The following ATG7 variants were observed in gnomAD, a reference collection of about 807,000 sequenced individuals.
The protein encoded by ATG7 is autophagy related 7.
Under a neutral mutation model 82.4 loss-of-function variants are expected in ATG7, and 70 were observed. The ratio of observed to expected loss-of-function variants is 0.85; its 90% CI spans 0.70 to 1.04. The LOEUF (loss-of-function observed/expected upper bound fraction) is 1.04. ATG7 is among the 50% of genes least tolerant of loss of function. ATG7 has a pLI of 0.00. For missense variants in ATG7, 792 were observed against 864.3 expected (o/e 0.92, Z 1.05); for synonymous variants, 287 against 313.0 (o/e 0.92, Z 0.88).
At chr3:11,559,240 A>G (rs2072739728), downstream of ATG7, 14 of 1,448,812 alleles carry the variant, frequency 9.7e-6, no homozygotes, top group Non-Finnish European at 1.2e-5. Flanking sequence ...AGATGGGCTC[A>G]GGGGCGAGAG....
At chr3:11,428,063 G>T (rs2082528996) in intron 20 of ATG7, among the ~76,000 whole-genome samples, 1 of 152,164 alleles carries the variant, frequency 6.6e-6, no homozygotes, top group Admixed American at 6.5e-5. Context: ...TGTCCTGCAG[G>T]GGTAGTGCAC....
chr3:11,436,586 G>A lies in ATG7; in HGVS notation c.2079+9660G>A, dbSNP rs557282787. On this transcript the variant is annotated intron_variant, in intron 20 of 20. Coordinates refer to ENST00000693202, the MANE Select transcript of ATG7 (RefSeq NM_001349232.2). ...AAATATAGCCCAGAGAAATGAAAATGTGCACACAAAAAATGTACACAGTGT... is the reference window on the plus strand; with the variant it reads ...AAATATAGCCCAGAGAAATGAAAATATGCACACAAAAAATGTACACAGTGT... 3.3e-5 allele frequency among the ~76,000 whole-genome samples: 5 copies of A among 152,254 alleles called. 1 individual carries two copies. Among genetic ancestry groups the A allele is most frequent in the African/African-American group, 1.2e-4 (5 of 41,528 alleles).
intron 20 of ATG7, among the ~76,000 whole-genome samples, chr3:11,498,677 G>A (rs1469939315): frequency 2.0e-5 from 3 of 152,228 alleles, no homozygotes; most frequent in Non-Finnish European, 4.4e-5. Context: ...GACTCCAGAA[G>A]AGGCTGTGTT....
intron 3 of ATG7, among the ~76,000 whole-genome samples, chr3:11,283,029 G>C (rs979020209): frequency 6.6e-6 from 1 of 152,214 alleles, no homozygotes; most frequent in South Asian, 2.1e-4. Context: ...TTTTGGCCCA[G>C]AGAAGGCACT....
chr3:11,562,255 A>G (rs1176610403), downstream of ATG7, among the ~76,000 whole-genome samples: 3 of 151,760 alleles, frequency 2.0e-5, no homozygotes, highest in Non-Finnish European at 4.4e-5. Context: ...GCCCAAGGCC[A>G]CCCTCTTGGT....
At chr3:11,347,342 G>T (rs996799744) in intron 13 of ATG7, among the ~76,000 whole-genome samples, 18 of 152,206 alleles carry the variant, frequency 1.2e-4, no homozygotes, top group Non-Finnish European at 2.2e-4. Flanking sequence ...ATATAGACTT[G>T]TTCCCTAAAT....
the ATG7 span, among the ~76,000 whole-genome samples, chr3:11,575,938 G>C: frequency 6.6e-6 from 1 of 152,238 alleles, no homozygotes; most frequent in East Asian, 1.9e-4. Context: ...CAGCAGCGCG[G>C]AGCCCGTCCA....
chr3:11,546,364 G>A (rs1007904859), intron 20 of ATG7, among the ~76,000 whole-genome samples: 1 of 151,958 alleles, frequency 6.6e-6, no homozygotes, highest in Non-Finnish European at 1.5e-5. Flanking sequence ...TAGAGAGGGG[G>A]TTTTGCCATG....
chr3:11,348,314 T>A (rs1315450802), intron 14 of ATG7: 2 of 359,518 alleles, frequency 5.6e-6, no homozygotes, highest in Non-Finnish European at 1.0e-5. Flanking sequence ...GCCGCGGACC[T>A]TCGCAGTGAG....
chr3:11,550,799 C>T (rs1000476569), intron 20 of ATG7, among the ~76,000 whole-genome samples: 4 of 151,932 alleles, frequency 2.6e-5, no homozygotes, highest in African/African-American at 7.3e-5. Flanking sequence ...GTGCATATTG[C>T]ATGCATGTGT....
intron 20 of ATG7, among the ~76,000 whole-genome samples, chr3:11,437,744 G>A (rs958096525): frequency 4.6e-5 from 7 of 152,060 alleles, no homozygotes; most frequent in African/African-American, 1.4e-4. Context: ...ATCACAGTTC[G>A]CATATATACT....
At chr3:11,500,201 G>T (rs977191939) in intron 20 of ATG7, among the ~76,000 whole-genome samples, 3 of 152,154 alleles carry the variant, frequency 2.0e-5, no homozygotes, top group Non-Finnish European at 2.9e-5. Flanking sequence ...TATGGCAGTG[G>T]TGAGGATGTA....
At chr3:11,426,977 T>C (rs1417645860) in intron 20 of ATG7, 51 bp downstream of exon 20, 2 of 1,502,452 alleles carry the variant, frequency 1.3e-6, no homozygotes, top group Non-Finnish European at 8.9e-7. Flanking sequence ...CTTAAAACTA[T>C]TTGATATTCG....
chr3:11,440,323 C>CTTTTTTTTTT (rs59365367), intron 20 of ATG7, among the ~76,000 whole-genome samples: 5 of 113,846 alleles, frequency 4.4e-5, no homozygotes, highest in East Asian at 2.8e-4. Context: ...GGCCTTTACT[C>CTTTTTTTTTT]TTTTTTTTTT....
Position 11,400,635 on chromosome 3 carries a change from C to G in ATG7, c.1956+20583C>G, listed in dbSNP as rs547576184. 1.2e-4 allele frequency among the ~76,000 whole-genome samples: 18 copies of G among 152,158 alleles called. No homozygotes were observed. In the South Asian group the frequency reaches 3.5e-3, roughly 30 times the overall value. On this transcript the variant is annotated intron_variant, in intron 19 of 20. Coordinates refer to ENST00000693202, the MANE Select transcript of ATG7 (RefSeq NM_001349232.2). ...CCCCACCCCAAAATACTGCTTGAGT[C>G]AAACCAAACCTGTACCTGGGATATG...
chr3:11,564,909 G>A, the ATG7 span: 27 of 1,602,568 alleles, frequency 1.7e-5, no homozygotes, highest in Admixed American at 5.1e-5. Context: ...GGGGAGGGAG[G>A]TGTACAGGTG....
At chr3:11,299,732 C>T (rs1231843875) in intron 5 of ATG7, among the ~76,000 whole-genome samples, 6 of 152,146 alleles carry the variant, frequency 3.9e-5, no homozygotes, top group Non-Finnish European at 8.8e-5. Context: ...CTTGATACCT[C>T]TCTTGATTCA....
Position 11,349,156 on chromosome 3 carries a change from G to A in ATG7, c.1284+1121G>A, listed in dbSNP as rs1186252127. On this transcript the variant is annotated intron_variant, in intron 14 of 20. Coordinates refer to ENST00000693202, the MANE Select transcript of ATG7 (RefSeq NM_001349232.2). ...TGATTGGTGCATTTACAATCCTTTA[G>A]CTAGACACACAGCGCTGATTGGTGC... is the stretch of plus-strand genomic sequence containing the variant. 2.0e-5 allele frequency among the ~76,000 whole-genome samples: 3 copies of A among 152,142 alleles called. No individual in the cohort carries two copies. The South Asian group carries it at 6.2e-4, about 31-fold the overall frequency.
chr3:11,328,386 T>C (rs1006557157), intron 9 of ATG7, among the ~76,000 whole-genome samples: 1 of 152,188 alleles, frequency 6.6e-6, no homozygotes, highest in Non-Finnish European at 1.5e-5. Context: ...AAACCTTATC[T>C]CTGTGGGAAA....
Sources: allele counts gnomAD v4.1 joint callset (sites outside exome capture counted in the v4.1 genomes callset), GRCh38; gene constraint gnomAD v4.1.1; transcripts MANE v1.5; gene names NCBI Gene and HGNC (gene_info 2026-07-23, HGNC 2026-07-21).